FA2H: variants seen among roughly 807,000 people sequenced by gnomAD.
FA2H encodes the protein fatty acid alpha-hydroxylase.
A neutral mutation model predicts 44.9 loss-of-function variants in FA2H; 22 were observed. The ratio of observed to expected loss-of-function variants is 0.49; its 90% CI spans 0.35 to 0.70. The LOEUF (loss-of-function observed/expected upper bound fraction) is 0.70. FA2H is among the 30% of genes least tolerant of loss of function. The pLI is 0.01. For missense variants in FA2H, 501 were observed against 504.9 expected, an observed-to-expected ratio of 0.99 and a Z score of 0.07; for synonymous variants, 243 against 213.2, an observed-to-expected ratio of 1.14 and a Z score of -1.22.
At chr16:74,755,476 C>T (rs1484805831) in intron 1 of FA2H, among the ~76,000 whole-genome samples, 5 of 152,130 alleles carry the variant, frequency 3.3e-5, no homozygotes, top group African/African-American at 9.7e-5. Context: ...ATCCTGTGTA[C>T]GGTGCTTTGT....
rs181754281 is a variant in FA2H at position 74,726,998 on chromosome 16, A to C, written c.506+246T>G. Among the ~76,000 whole-genome samples the C allele has an allele frequency of 1.8e-4, 27 of 152,310 alleles. No homozygotes were observed. The East Asian group carries it at 4.6e-3, about 26-fold the overall frequency. On this transcript the variant is annotated intron_variant, in intron 3 of 6. Transcript: ENST00000219368. ...TCGTGGGCAAGAAACTCCTCATAAGAGTCTGGAATAGACCAGAGGTGGCAT... is the reference window on the plus strand; with the variant it reads ...TCGTGGGCAAGAAACTCCTCATAAGCGTCTGGAATAGACCAGAGGTGGCAT...
chr16:74,773,825 G>A (rs1024950672), intron 1 of FA2H, among the ~76,000 whole-genome samples: 28 of 152,170 alleles, frequency 1.8e-4, no homozygotes, highest in African/African-American at 6.5e-4. Flanking sequence ...CAAAGTGCTG[G>A]TCCCTTTTCC....
At chr16:74,754,032 C>T (rs981599769) in intron 1 of FA2H, among the ~76,000 whole-genome samples, 2 of 152,112 alleles carry the variant, frequency 1.3e-5, no homozygotes, top group African/African-American at 2.4e-5. Context: ...TTCAATAGAC[C>T]ATAGTTCTCC....
At chr16:74,772,648 T>A (rs1962931265) in intron 1 of FA2H, among the ~76,000 whole-genome samples, 1 of 152,192 alleles carries the variant, frequency 6.6e-6, no homozygotes, top group Admixed American at 6.5e-5. Context: ...GCTGGGCTCA[T>A]CTTGAAAGCA....
intron 1 of FA2H, among the ~76,000 whole-genome samples, chr16:74,745,799 A>ATTTTTTT (rs11365398): frequency 2.2e-4 from 16 of 72,460 alleles, no homozygotes; most frequent in African/African-American, 8.0e-4. Flanking sequence ...CTGTCAATGG[A>ATTTTTTT]TTTTTTTTTT....
In FA2H at chr16:74,712,993, T is replaced by G. The variant is rs911111476; in HGVS notation, c.*1197A>C. ...CTTTTCAGTGTTTTATTTTTCAAAA[T>G]ATACAATTTAAGTTTTTATTTCACA... On this transcript the variant is annotated 3_prime_UTR_variant, in exon 7 of 7. Coordinates refer to ENST00000219368, the MANE Select transcript of FA2H (RefSeq NM_024306.5). 1 of 152,668 alleles carries G rather than the reference T, an allele frequency of 6.6e-6. No homozygotes were observed. Among genetic ancestry groups the G allele is most frequent in the Non-Finnish European group, 1.5e-5 (1 of 68,052 alleles). 9.5% of individuals were successfully genotyped at this position (152,668 alleles called of 1,614,324 possible).
At chr16:74,723,172 T>G (rs1252743610) in intron 4 of FA2H, among the ~76,000 whole-genome samples, 1 of 152,228 alleles carries the variant, frequency 6.6e-6, no homozygotes, top group Non-Finnish European at 1.5e-5. Flanking sequence ...ATTGTACACC[T>G]ATGGGCATTT....
intron 1 of FA2H, among the ~76,000 whole-genome samples, chr16:74,761,886 G>C (rs745480502): frequency 7.2e-5 from 11 of 152,314 alleles, no homozygotes; most frequent in Non-Finnish European, 1.6e-4. Context: ...TATTGAAAAA[G>C]GGGCAATGAA....
At chr16:74,772,126 C>T (rs1052463242) in intron 1 of FA2H, among the ~76,000 whole-genome samples, 8 of 152,148 alleles carry the variant, frequency 5.3e-5, no homozygotes, top group South Asian at 4.1e-4. Context: ...GATGTGGCCC[C>T]GGCCGACTTT....
chr16:74,735,406 G>A (rs1295336377), intron 2 of FA2H, among the ~76,000 whole-genome samples: 2 of 152,158 alleles, frequency 1.3e-5, no homozygotes, highest in Admixed American at 6.5e-5. Flanking sequence ...TGAGCCCTAT[G>A]ACCCTCCCGT....
At chr16:74,760,024 C>T (rs1018078757) in intron 1 of FA2H, among the ~76,000 whole-genome samples, 1 of 152,196 alleles carries the variant, frequency 6.6e-6, no homozygotes, top group Non-Finnish European at 1.5e-5. Flanking sequence ...GCTGCCTTTC[C>T]TGACCTAGCA....
chr16:74,749,177 TA>T (rs1187525863), intron 1 of FA2H, among the ~76,000 whole-genome samples: 1 of 152,160 alleles, frequency 6.6e-6, no homozygotes. Flanking sequence ...TTGTTTTTGG[TA>T]AAAGCTTTCG....
rs1471329960 is a variant in FA2H, at chr16:74,719,023, T to A, written c.751A>T (p.Met251Leu). ...KPPSDSYYLI[M>L]LHFVMHGQHH... ...TGGCCGTGCATGACGAAGTGCAGCATGATGAGGTAATAGCTGTCGCTGGGG... is the reference window on the plus strand; with the variant it reads ...TGGCCGTGCATGACGAAGTGCAGCAAGATGAGGTAATAGCTGTCGCTGGGG... Residue 251 changes from methionine to leucine, a missense_variant, in exon 5 of 7, where the codon ATG becomes TTG. By Grantham distance (15) the Met-to-Leu change is conservative (BLOSUM62 2). Transcript: ENST00000219368. The A allele has an allele frequency of 1.2e-6, 2 of 1,613,838 alleles. No individual in the cohort carries two copies. Among genetic ancestry groups the A allele is most frequent in the South Asian group, 2.2e-5 (2 of 91,080 alleles).
intron 5 of FA2H, 84 bp from the exon 6 acceptor site, chr16:74,716,683 A>G: frequency 6.9e-7 from 1 of 1,448,778 alleles, no homozygotes. Flanking sequence ...TGCAGAGGAC[A>G]GGGGCACAGC....
At chr16:74,737,450 C>T (rs542610544) in intron 2 of FA2H, among the ~76,000 whole-genome samples, 1 of 152,268 alleles carries the variant, frequency 6.6e-6, no homozygotes, top group East Asian at 1.9e-4. Flanking sequence ...TAAGACCATC[C>T]CTCACCTCTG....
At position 74,726,250 on chromosome 16, in the gene FA2H, G is replaced by A; in HGVS notation, c.588C>T (p.Val196=). The A allele has an allele frequency of 1.9e-6, 3 of 1,613,914 alleles. No homozygotes were observed. The highest frequency in any genetic ancestry group is 2.5e-6 in the Non-Finnish European group (3 of 1,179,812). Residue 196 remains valine (V), a synonymous_variant, in exon 4 of 7, where the codon GTC becomes GTT. Coordinates refer to ENST00000219368, the MANE Select transcript of FA2H (RefSeq NM_024306.5). The stretch of plus-strand genomic sequence containing the variant: ...CTGTTGTAAATGACGTGAAGAGTCG[G>A]ACGTTGCCCTGGGCAAAGGTTCGGT... ...SYYRTFAQGN[V]RLFTSFTTEY...
At chr16:74,770,838 G>A (rs1350302932) in intron 1 of FA2H, among the ~76,000 whole-genome samples, 1 of 152,220 alleles carries the variant, frequency 6.6e-6, no homozygotes, top group Non-Finnish European at 1.5e-5. Flanking sequence ...GCTCAGGTTG[G>A]GGCCCAGAAG....
intron 4 of FA2H, among the ~76,000 whole-genome samples, chr16:74,719,874 G>A (rs1478546677): frequency 6.6e-6 from 1 of 151,794 alleles, no homozygotes; most frequent in African/African-American, 2.4e-5. Flanking sequence ...GTTAATGATG[G>A]GAAGTGTGAC....
intron 1 of FA2H, among the ~76,000 whole-genome samples, chr16:74,751,758 A>G (rs1423980632): frequency 6.6e-6 from 1 of 152,146 alleles, no homozygotes; most frequent in Non-Finnish European, 1.5e-5. Flanking sequence ...CTGGGCTGGG[A>G]CACAGCTCTA....
Sources: gnomAD v4.1 joint callset for allele counts (sites outside exome capture counted in the v4.1 genomes callset) on GRCh38, gnomAD v4.1.1 for gene constraint, MANE v1.5 for transcripts, NCBI Gene and HGNC (gene_info 2026-07-23, HGNC 2026-07-21) for gene names.